TBC1D7: variants seen among roughly 807,000 people sequenced by gnomAD.
The protein encoded by TBC1D7 is TBC1 domain family member 7.
A neutral mutation model predicts 35.3 loss-of-function variants in TBC1D7; 33 were observed. The ratio of observed to expected loss-of-function variants is 0.93; its 90% CI spans 0.71 to 1.25. The LOEUF is 1.25. Ranked by LOEUF, TBC1D7 falls within the 50% of genes most tolerant of loss-of-function variation. The probability of loss-of-function intolerance (pLI) is 0.00; values close to 1 mark genes in which losing one functional copy is unlikely to be tolerated. For synonymous variants in TBC1D7, 135 were observed against 129.5 expected, an observed-to-expected ratio of 1.04 and a Z score of -0.29; for missense variants, 362 against 365.3, an observed-to-expected ratio of 0.99 and a Z score of 0.07.
Position 13,321,047 on chromosome 6 carries a change from C to CGATACATCA in TBC1D7, c.233_241dup (p.Tyr80_Arg81insLeuMetTyr). Reference sequence around the variant, plus strand: ...AAGGACATCCAAGTACTGCTCCTTACGATACATCATCACCTTGGCATGGGA... The same window carrying CGATACATCA: ...AAGGACATCCAAGTACTGCTCCTTACGATACATCAGATACATCATCACCTTGGCATGGGA... On this transcript the variant is annotated inframe_insertion, in exon 4 of 8. Coordinates refer to ENST00000379300, the MANE Select transcript of TBC1D7 (RefSeq NM_016495.6). 1 of 1,614,080 alleles carries CGATACATCA rather than the reference C, an allele frequency of 6.2e-7. No individual in the cohort carries two copies. Among genetic ancestry groups the CGATACATCA allele is most frequent in the South Asian group, 1.1e-5 (1 of 91,086 alleles).
chr6:13,319,769 A>G (rs1176793883), intron 4 of TBC1D7: 1 of 152,260 alleles, frequency 6.6e-6, no homozygotes, highest in East Asian at 1.9e-4. Flanking sequence ...AAAAAATAAA[A>G]ATTTTTTAGA....
chr6:13,326,765 A>G (rs766925381), intron 2 of TBC1D7, 22 bp downstream of exon 2: 1 of 1,468,368 alleles, frequency 6.8e-7, no homozygotes, highest in Non-Finnish European at 9.5e-7. Flanking sequence ...AACCAATGAG[A>G]TTAATTTTTA....
At chr6:13,307,925 A>G (rs996471319) in intron 5 of TBC1D7, among the ~76,000 whole-genome samples, 180 bp from the exon 6 acceptor site, 2 of 152,250 alleles carry the variant, frequency 1.3e-5, no homozygotes, top group Admixed American at 1.3e-4. Flanking sequence ...TAACTAAAGT[A>G]ACAAACCATC....
intron 5 of TBC1D7, 50 bp from the exon 6 acceptor site, chr6:13,307,795 C>G: frequency 6.4e-7 from 1 of 1,565,372 alleles, no homozygotes; most frequent in East Asian, 2.3e-5. Flanking sequence ...GTCATAACAT[C>G]ATCTGATATT....
rs544099262 is a variant in TBC1D7, at chr6:13,321,020, T to C, written c.269A>G (p.His90Arg). 4 of 1,614,190 alleles carry C rather than the reference T, an allele frequency of 2.5e-6. No individual in the cohort carries two copies. The highest frequency in any genetic ancestry group is 2.2e-5 in the East Asian group (1 of 44,890). The part of the protein sequence containing the change: ...YRKEQYLDVL[H>R]ALKVVRFVSD... ...AACAAAGCGAACGACTTTCAGGGCA[T>C]GAAGGACATCCAAGTACTGCTCCTT... Residue 90 changes from histidine to arginine, a missense_variant, in exon 4 of 8, where the codon CAT becomes CGT. Coordinates refer to ENST00000379300, the MANE Select transcript of TBC1D7 (RefSeq NM_016495.6).
At position 13,323,387 on chromosome 6, in the gene TBC1D7, A is replaced by T. The variant is rs141349083; in HGVS notation, c.193+1707T>A. ...ATTAAAAAAAAAGAAAGAATGGTTA[A>T]GAAGAGTAGAAGTGAGGAATAAGCC... On this transcript the variant is annotated intron_variant, in intron 3 of 7. Transcript: ENST00000379300. 2.0e-5 allele frequency among the ~76,000 whole-genome samples: 3 copies of T among 152,210 alleles called. No homozygotes were observed. In the East Asian group the frequency reaches 5.8e-4, roughly 29 times the overall value.
Position 13,316,607 on chromosome 6 carries a change from T to A in TBC1D7, c.483A>T (p.Gln161His). 6.2e-7 allele frequency: 1 copy of A among 1,613,566 alleles called. No individual in the cohort carries two copies. The highest frequency in any genetic ancestry group is 8.5e-7 in the Non-Finnish European group (1 of 1,179,976). ...CYWITRRFVN[Q>H]LNTKYRDSLP... ...AGGAATCCCGGTACTTGGTATTTAA[T>A]TGGTTCACAAAGCGTCGGGTGATCC... Residue 161 changes from glutamine (Q) to histidine (H), a missense_variant, in exon 5 of 8, where the codon CAA becomes CAT. Physicochemically the swap from Gln to His is conservative, Grantham distance 24. Transcript: ENST00000379300.
chr6:13,309,750 A>T lies in TBC1D7; in HGVS notation c.520-2005T>A, dbSNP rs960378004. Among the ~76,000 whole-genome samples, 4 of 152,316 alleles carry T rather than the reference A, an allele frequency of 2.6e-5. No individual in the cohort carries two copies. In the South Asian group the frequency reaches 8.3e-4, roughly 32 times the overall value. ...TCTTTTATTAGTTGAACTCATACTG[A>T]ATACACGATTTAGTATTTTGCTGTT... On this transcript the variant is annotated intron_variant, in intron 5 of 7. Coordinates refer to ENST00000379300, the MANE Select transcript of TBC1D7 (RefSeq NM_016495.6).
chr6:13,325,126 A>G lies in TBC1D7; in HGVS notation c.161T>C (p.Met54Thr), dbSNP rs769815497. ...CACCTTCCATACCAATGCACGGTAC[A>G]TGGACGGGAGAGGGAACCTCTGACT... ...TFSQRFPLPSMYRALVWKVLL... is the reference protein window; with the variant it reads ...TFSQRFPLPSTYRALVWKVLL... Residue 54 changes from methionine (M) to threonine (T), a missense_variant, in exon 3 of 8, where the codon ATG becomes ACG. By Grantham distance (81) the Met-to-Thr change is moderately conservative. Coordinates refer to ENST00000379300, the MANE Select transcript of TBC1D7 (RefSeq NM_016495.6). The G allele has an allele frequency of 5.6e-6, 9 of 1,613,908 alleles. No homozygotes were observed. In the East Asian group the frequency reaches 8.9e-5, roughly 16 times the overall value.
intron 5 of TBC1D7, among the ~76,000 whole-genome samples, chr6:13,315,857 A>G (rs1211330936): frequency 6.6e-6 from 1 of 152,246 alleles, no homozygotes; most frequent in Non-Finnish European, 1.5e-5. Flanking sequence ...CAGAGTATCA[A>G]CTATGCTGGG....
chr6:13,321,070 G>A lies in TBC1D7; in HGVS notation c.219C>T (p.Ser73=). 6.2e-7 allele frequency: 1 copy of A among 1,613,362 alleles called. No individual in the cohort carries two copies. Among genetic ancestry groups the A allele is most frequent in the Non-Finnish European group, 8.5e-7 (1 of 1,179,516 alleles). Residue 73 remains serine (S), a synonymous_variant, in exon 4 of 8, where the codon TCC becomes TCT. Transcript: ENST00000379300. ...TACGATACATCATCACCTTGGCATG[G>A]GACTCGTGGTGTGGAGGCAAGATTC... ...LLGILPPHHE[S]HAKVMMYRKE... is the part of the protein sequence containing the mutation.
intron 7 of TBC1D7, 21 bp from the exon 8 acceptor site, chr6:13,305,208 CTT>C: frequency 1.9e-6 from 3 of 1,613,424 alleles, no homozygotes; most frequent in Non-Finnish European, 2.5e-6. Context: ...GCAAATCAGT[CTT>C]TGTGAAATTT....
chr6:13,325,172 T>A lies in TBC1D7; in HGVS notation c.115A>T (p.Thr39Ser). 6.2e-7 allele frequency: 1 copy of A among 1,610,500 alleles called. No individual in the cohort carries two copies. Among genetic ancestry groups the A allele is most frequent in the Non-Finnish European group, 8.5e-7 (1 of 1,177,036 alleles). Reference protein sequence around the residue: ...EILLKDDRLDTEKLCTFSQRF... With the variant: ...EILLKDDRLDSEKLCTFSQRF... ...TGACTAAAAGTACAAAGTTTCTCAG[T>A]ATCTAGAGGAAGAAGAAAACAATTG... Residue 39 changes from threonine to serine, a missense_variant and splice_region_variant, in exon 3 of 8, where the codon ACT becomes TCT. Coordinates refer to ENST00000379300, the MANE Select transcript of TBC1D7 (RefSeq NM_016495.6).
intron 5 of TBC1D7, among the ~76,000 whole-genome samples, chr6:13,314,332 G>A (rs1234108533): frequency 2.0e-5 from 3 of 152,214 alleles, no homozygotes; most frequent in East Asian, 1.9e-4. Context: ...TGCAGGGATG[G>A]GGGGTGGTTA....
At chr6:13,314,060 T>C (rs995908690) in intron 5 of TBC1D7, among the ~76,000 whole-genome samples, 3 of 151,942 alleles carry the variant, frequency 2.0e-5, no homozygotes, top group Non-Finnish European at 4.4e-5. Flanking sequence ...CTACTAAAAA[T>C]ACAAAAAATT....
intron 5 of TBC1D7, among the ~76,000 whole-genome samples, chr6:13,314,243 T>G (rs1470841005): frequency 6.6e-6 from 1 of 150,652 alleles, no homozygotes; most frequent in East Asian, 1.9e-4. Context: ...ATATCATAGA[T>G]GCATGCACAT....
chr6:13,316,815 T>A (rs896980485), intron 4 of TBC1D7, 107 bp from the exon 5 acceptor site: 14 of 1,343,612 alleles, frequency 1.0e-5, no homozygotes, highest in Middle Eastern at 2.1e-4. Flanking sequence ...AAAGGCTACA[T>A]TAATAAATCA....
chr6:13,322,883 T>C (rs1784141449), intron 3 of TBC1D7, among the ~76,000 whole-genome samples: 2 of 152,214 alleles, frequency 1.3e-5, no homozygotes, highest in South Asian at 4.1e-4. Flanking sequence ...TTCTAAGAGC[T>C]AGTCCTAAAA....
chr6:13,312,736 T>A (rs570814399), intron 5 of TBC1D7, among the ~76,000 whole-genome samples: 4 of 151,206 alleles, frequency 2.6e-5, no homozygotes, highest in South Asian at 2.1e-4. Flanking sequence ...AAATATATAT[T>A]TTTTTAATCT....
Sources: allele counts gnomAD v4.1 joint callset (sites outside exome capture counted in the v4.1 genomes callset), GRCh38; gene constraint gnomAD v4.1.1; transcripts MANE v1.5; gene names NCBI Gene and HGNC (gene_info 2026-07-23, HGNC 2026-07-21).